The following NRG3 variants were observed in gnomAD, a reference collection of about 807,000 sequenced individuals.
The protein encoded by NRG3 is neuregulin 3.
Under a neutral mutation model 66.9 loss-of-function variants are expected in NRG3, and 31 were observed. That is an observed-to-expected ratio of 0.46 (90% CI 0.35 to 0.63). The LOEUF is 0.63. Ranked by LOEUF, NRG3 falls within the 20% of genes least tolerant of loss-of-function variation. NRG3 has a pLI of 0.00. For missense variants in NRG3, 910 were observed against 878.9 expected (o/e 1.04, Z -0.45); for synonymous variants, 393 against 359.4 (o/e 1.09, Z -1.06).
Position 81,875,928 on chromosome 10 carries a change from C to T in NRG3, c.588C>T (p.Thr196=), listed in dbSNP as rs763366382. 6.2e-7 allele frequency: 1 copy of T among 1,613,618 alleles called. No individual in the cohort carries two copies. The highest frequency in any genetic ancestry group is 8.5e-7 in the Non-Finnish European group (1 of 1,180,018). Residue 196 remains threonine (T), a synonymous_variant, in exon 1 of 9, where the codon ACC becomes ACT. Transcript: ENST00000372141. This position sits in a 1 kb window ranked among gnomAD's most constrained non-coding sequence, Gnocchi z 5.3. ...NTAAPATVPS[T]TAPFFSSSTL... is the part of the protein sequence containing the mutation. The stretch of plus-strand genomic sequence containing the variant: ...CGGCCCCTGCGACGGTCCCGTCCAC[C>T]ACGGCCCCGTTCTTCAGTAGCAGCA...
chr10:81,975,631 T>G (rs547053964), intron 1 of NRG3, among the ~76,000 whole-genome samples: 1 of 152,204 alleles, frequency 6.6e-6, no homozygotes, highest in South Asian at 2.1e-4. Context: ...CAGGAAATTG[T>G]GGATCAGTGT....
intron 2 of NRG3, among the ~76,000 whole-genome samples, chr10:82,444,328 C>T (rs571646549): frequency 5.8e-4 from 88 of 152,220 alleles, no homozygotes; most frequent in Non-Finnish European, 8.1e-4. Context: ...GTCTTGAACT[C>T]CTGACCTTAG....
chr10:82,386,887 C>T (rs1453982430), intron 2 of NRG3, among the ~76,000 whole-genome samples: 1 of 152,068 alleles, frequency 6.6e-6, no homozygotes, highest in African/African-American at 2.4e-5. Context: ...GCAACCTCCT[C>T]CTCCCGGGTT....
intron 3 of NRG3, among the ~76,000 whole-genome samples, chr10:82,848,179 T>C (rs532611113): frequency 3.9e-5 from 6 of 152,224 alleles, no homozygotes; most frequent in Non-Finnish European, 7.3e-5. Context: ...TTGGATGTCA[T>C]AGATACAATG....
intron 4 of NRG3, among the ~76,000 whole-genome samples, chr10:82,901,446 G>A (rs1844212466): frequency 6.6e-6 from 1 of 151,240 alleles, no homozygotes; most frequent in African/African-American, 2.4e-5. Flanking sequence ...AAGGATGGAA[G>A]CCAAAAAAAA....
intron 1 of NRG3, among the ~76,000 whole-genome samples, chr10:82,321,447 A>T (rs1188465121): frequency 6.6e-6 from 1 of 152,190 alleles, no homozygotes; most frequent in Non-Finnish European, 1.5e-5. Context: ...CTGCGACGTG[A>T]TTATTGTTTC....
intron 2 of NRG3, among the ~76,000 whole-genome samples, chr10:82,688,191 T>A (rs1453674203): frequency 2.0e-5 from 3 of 152,228 alleles, no homozygotes; most frequent in African/African-American, 7.2e-5. Context: ...TCACTACATG[T>A]ACATCCGATA....
At chr10:81,926,989 C>T (rs1203069023) in intron 1 of NRG3, among the ~76,000 whole-genome samples, 2 of 152,052 alleles carry the variant, frequency 1.3e-5, no homozygotes, top group Non-Finnish European at 2.9e-5. Flanking sequence ...TTGCGTGTGG[C>T]GACAGTATTG....
intron 1 of NRG3, among the ~76,000 whole-genome samples, chr10:82,018,287 G>T (rs986700481): frequency 6.6e-6 from 1 of 152,088 alleles, no homozygotes; most frequent in African/African-American, 2.4e-5. Flanking sequence ...CTGTTCCATT[G>T]GTCTACATCT....
chr10:82,669,084 G>A (rs2053038167), intron 2 of NRG3, among the ~76,000 whole-genome samples: 1 of 152,022 alleles, frequency 6.6e-6, no homozygotes, highest in African/African-American at 2.4e-5. Flanking sequence ...GATGATATTA[G>A]ATATTGGTGC....
intron 1 of NRG3, among the ~76,000 whole-genome samples, chr10:81,953,163 T>A (rs573628476): frequency 6.6e-6 from 1 of 152,278 alleles, no homozygotes; most frequent in African/African-American, 2.4e-5. Context: ...AGCAAAGGTC[T>A]GTGATCCTGT....
At chr10:82,711,976 T>G (rs966630791) in intron 2 of NRG3, among the ~76,000 whole-genome samples, 1 of 152,218 alleles carries the variant, frequency 6.6e-6, no homozygotes, top group Admixed American at 6.5e-5. Context: ...TACAATGCTT[T>G]TCTTTCTATT....
Position 82,660,196 on chromosome 10 carries a change from CAAAAAAAAAAAAAAAAAAAAAAAAA to C in NRG3, c.954-78366_954-78342del, listed in dbSNP as rs58870828. On this transcript the variant is annotated intron_variant, in intron 2 of 8. Coordinates refer to ENST00000372141, the MANE Select transcript of NRG3 (RefSeq NM_001010848.4). ...GGGCGACAAGAGCAAAACTCCCTCT[CAAAAAAAAAAAAAAAAAAAAAAAAA>C]AAAAAAAAAAAAAACTGGAAAGAAA... Among the ~76,000 whole-genome samples the C allele has an allele frequency of 5.4e-3, 105 of 19,562 alleles. 2 individuals are homozygous for C. The highest frequency in any genetic ancestry group is 0.016 in the African/African-American group (100 of 6,084). The allele number at this position is 19,562 out of a possible 152,430, so 12.8% of individuals were successfully genotyped here.
chr10:82,166,226 T>G (rs1394337873), intron 1 of NRG3, among the ~76,000 whole-genome samples: 1 of 152,144 alleles, frequency 6.6e-6, no homozygotes, highest in East Asian at 1.9e-4. Context: ...TTCTCCATGT[T>G]GAGGCTGGTC....
At chr10:82,586,353 A>G (rs1229977201) in intron 2 of NRG3, among the ~76,000 whole-genome samples, 1 of 152,186 alleles carries the variant, frequency 6.6e-6, no homozygotes, top group Non-Finnish European at 1.5e-5. Flanking sequence ...TGATGCTCTA[A>G]CAAAATTTTC....
At chr10:82,131,341 G>A (rs12256406) in intron 1 of NRG3, among the ~76,000 whole-genome samples, 13,170 of 152,048 alleles carry the variant, frequency 0.087, 921 homozygotes, top group African/African-American at 0.18. Flanking sequence ...TTGAAAATTA[G>A]TTCACTGTAG....
intron 4 of NRG3, among the ~76,000 whole-genome samples, chr10:82,884,574 A>T (rs1842576297): frequency 6.6e-6 from 1 of 152,198 alleles, no homozygotes; most frequent in Admixed American, 6.5e-5. Flanking sequence ...ACAAACACAG[A>T]AAACTGGTAT....
intron 2 of NRG3, among the ~76,000 whole-genome samples, chr10:82,625,554 G>A (rs56068705): frequency 0.029 from 4,410 of 152,148 alleles, 143 homozygotes; most frequent in East Asian, 0.17. Flanking sequence ...GCCCAGCTTT[G>A]CTTGGCCACT....
intron 4 of NRG3, among the ~76,000 whole-genome samples, chr10:82,908,761 C>T (rs1331330520): frequency 1.3e-5 from 2 of 152,234 alleles, no homozygotes; most frequent in Non-Finnish European, 2.9e-5. Context: ...AGGAGCTTAG[C>T]TCCATCCCTA....
Sources: gnomAD v4.1 joint callset for allele counts (sites outside exome capture counted in the v4.1 genomes callset) on GRCh38, gnomAD v4.1.1 for gene constraint, Gnocchi (gnomAD v3.1) non-coding constraint, MANE v1.5 for transcripts, NCBI Gene and HGNC (gene_info 2026-07-23, HGNC 2026-07-21) for gene names.